Variants in BTD observed in about 807,000 individuals in gnomAD.
The protein encoded by BTD is biotinidase.
In BTD, 13 loss-of-function variants were observed where a neutral mutation model predicts 17.7. That is an observed-to-expected ratio of 0.74 (90% CI 0.48 to 1.17). The LOEUF is 1.17. BTD is among the 50% of genes most tolerant of loss of function. The pLI is 0.00. For synonymous variants in BTD, 240 were observed against 245.2 expected, an observed-to-expected ratio of 0.98 and a Z score of 0.20; for missense variants, 674 against 650.4, an observed-to-expected ratio of 1.04 and a Z score of -0.39.
downstream of BTD, chr3:15,713,710 G>T: frequency 1.0e-6 from 1 of 1,002,226 alleles, no homozygotes; most frequent in Non-Finnish European, 1.4e-6. Context: ...TACATGAAAA[G>T]TAATAAAAAA....
Position 15,650,219 on chromosome 3 carries a change from C to T in BTD, c.*4731C>T, listed in dbSNP as rs1018094803. Among the ~76,000 whole-genome samples the T allele has an allele frequency of 6.6e-6, 1 of 152,118 alleles. No homozygotes were observed. The highest frequency in any genetic ancestry group is 1.5e-5 in the Non-Finnish European group (1 of 68,024). ...ATGTTTAGAATGTTTCTCAGACAGG[C>T]TGAGAAAAAACACAACGAAACATTA... On this transcript the variant is annotated 3_prime_UTR_variant, in exon 4 of 4. Coordinates refer to ENST00000643237, the MANE Select transcript of BTD (RefSeq NM_001370658.1).
intron 3 of BTD, chr3:15,694,704 G>A: frequency 6.4e-7 from 1 of 1,563,316 alleles, no homozygotes; most frequent in Non-Finnish European, 8.8e-7. Context: ...CAGTAAACCA[G>A]CAGCCATCAA....
At position 15,642,022 on chromosome 3, in the gene BTD, C is replaced by A. The variant is rs397514357; in HGVS notation, c.364C>A (p.Pro122Thr). The A allele has an allele frequency of 1.2e-6, 2 of 1,614,162 alleles. No individual in the cohort carries two copies. Among genetic ancestry groups the A allele is most frequent in the African/African-American group, 1.3e-5 (1 of 75,044 alleles). Residue 122 changes from proline (P) to threonine (T), a missense_variant, in exon 3 of 4, where the codon CCA (proline) becomes ACA (threonine). Transcript: ENST00000643237. ...GTCTCCCCAGGTGGTCAGGTGGAAC[C>A]CATGCCTGGAGCCTCACCGCTTCAA... ...MPSPQVVRWN[P>T]CLEPHRFNDT... is the part of the protein sequence containing the mutation.
intron 3 of BTD, chr3:15,677,013 T>C (rs1275841703): frequency 6.2e-7 from 1 of 1,613,420 alleles, no homozygotes; most frequent in Non-Finnish European, 8.5e-7. Context: ...GAGGTTTCTA[T>C]CTGTTATCTT....
exon 4 of BTD, chr3:15,711,280 A>G: frequency 1.9e-6 from 3 of 1,603,956 alleles, no homozygotes; most frequent in Non-Finnish European, 2.6e-6. Context: ...AAATCCTACA[A>G]GAATGAATAC....
exon 4 of BTD, among the ~76,000 whole-genome samples, chr3:15,712,479 TGCATACAG>T (rs2072440231): frequency 6.6e-6 from 1 of 152,208 alleles, no homozygotes; most frequent in African/African-American, 2.4e-5. Flanking sequence ...AGCCATTCTG[TGCATACAG>T]GCTTACAGGC....
rs911743841 is a variant in BTD at position 15,650,305 on chromosome 3, A to G, written c.*4817A>G. ...GTACTGAAGTAAAACAAAAATCTGA[A>G]TAACAGCTGCACCGTTAAAAATGAA... On this transcript the variant is annotated 3_prime_UTR_variant, in exon 4 of 4. Coordinates refer to ENST00000643237, the MANE Select transcript of BTD (RefSeq NM_001370658.1). 2.1e-4 allele frequency among the ~76,000 whole-genome samples: 32 copies of G among 152,264 alleles called. No homozygotes were observed. Among genetic ancestry groups the G allele is most frequent in the Admixed American group, 6.5e-4 (10 of 15,284 alleles).
chr3:15,622,907 C>G (rs2064986088), intron 1 of BTD, among the ~76,000 whole-genome samples: 1 of 152,150 alleles, frequency 6.6e-6, no homozygotes, highest in Non-Finnish European at 1.5e-5. Flanking sequence ...TGTTTTCATG[C>G]TGTTAATAAA....
At chr3:15,703,656 GT>G (rs2070940823) in intron 3 of BTD, among the ~76,000 whole-genome samples, 1 of 152,178 alleles carries the variant, frequency 6.6e-6, no homozygotes, top group Non-Finnish European at 1.5e-5. Flanking sequence ...AAGCCACCCA[GT>G]TTTTGGTATT....
At position 15,679,548 on chromosome 3, in the gene BTD, A is replaced by G. The variant is rs1249098516; in HGVS notation, c.400-30512A>G. 4.3e-6 allele frequency: 7 copies of G among 1,612,318 alleles called. No individual in the cohort carries two copies. The East Asian group carries it at 8.9e-5, about 21-fold the overall frequency. On this transcript the variant is annotated intron_variant, in intron 3 of 3. Transcript: ENST00000672141. ...AACTTCCTGTTCTAAAAGCAGTTCT[A>G]CACATGTCTCGTGACCTAAATAGGT...
At position 15,721,363 on chromosome 3, in the gene BTD, G is replaced by T. The variant is rs73147532; in HGVS notation, c.1016-407G>T. Among the ~76,000 whole-genome samples the T allele has an allele frequency of 4.8e-3, 728 of 152,234 alleles. 5 individuals are homozygous for T. Among genetic ancestry groups the T allele is most frequent in the African/African-American group, 0.016 (664 of 41,534 alleles). Reference sequence around the variant, plus strand: ...AGGGAATATAATTCACATACACAATGTCTACTTCATGACAAAACTGAATAA... The same window carrying T: ...AGGGAATATAATTCACATACACAATTTCTACTTCATGACAAAACTGAATAA... On this transcript the variant is annotated intron_variant, in intron 4 of 4. Transcript: ENST00000672427.
intron 1 of BTD, chr3:15,602,178 A>T: frequency 7.1e-7 from 1 of 1,405,308 alleles, no homozygotes; most frequent in Non-Finnish European, 9.2e-7. Flanking sequence ...ATCCAGAAGC[A>T]GATGTGTACC....
intron 1 of BTD, among the ~76,000 whole-genome samples, chr3:15,604,180 A>G (rs1311068661): frequency 2.0e-5 from 3 of 152,182 alleles, no homozygotes; most frequent in Admixed American, 2.0e-4. Flanking sequence ...TGAGGGCTCT[A>G]CCCCTGCAAC....
chr3:15,618,261 C>T lies in BTD; in HGVS notation c.-17+16367C>T, dbSNP rs1461950318. Among the ~76,000 whole-genome samples, 6 of 152,342 alleles carry T rather than the reference C, an allele frequency of 3.9e-5. No individual in the cohort carries two copies. In the South Asian group the frequency reaches 6.2e-4, roughly 16 times the overall value. On this transcript the variant is annotated intron_variant, in intron 1 of 3. Transcript: ENST00000643237. ...AGCTTACAGGCATAAGCCACTGCTCCATATGCAGTTTAGAATCAGTTTGTT... is the reference window on the plus strand; with the variant it reads ...AGCTTACAGGCATAAGCCACTGCTCTATATGCAGTTTAGAATCAGTTTGTT...
At chr3:15,604,427 G>A (rs1035856058) in intron 1 of BTD, among the ~76,000 whole-genome samples, 3 of 152,236 alleles carry the variant, frequency 2.0e-5, no homozygotes, top group African/African-American at 7.2e-5. Flanking sequence ...AACAGCAGGG[G>A]GACCCTGGAC....
Position 15,601,925 on chromosome 3 carries a change from G to C in BTD, c.-17+31G>C, listed in dbSNP as rs113774440. 3.7e-6 allele frequency: 6 copies of C among 1,612,582 alleles called. No individual in the cohort carries two copies. In the African/African-American group the frequency reaches 5.3e-5, roughly 14 times the overall value. ...GAGGGGGCGTGGTGCGGCGCGGAGG[G>C]GGTGTGGTAAGGGCGTGCGGTCCAG... On this transcript the variant is annotated intron_variant, in intron 1 of 3. Transcript: ENST00000643237.
At chr3:15,670,202 A>G (rs2066206719) in intron 3 of BTD, 1 of 1,523,952 alleles carries the variant, frequency 6.6e-7, no homozygotes, top group Non-Finnish European at 8.9e-7. Context: ...CGTGAATATC[A>G]AAGTGCCTTT....
At chr3:15,713,702 C>T (rs2072625211), downstream of BTD, 1 of 1,065,948 alleles carries the variant, frequency 9.4e-7, no homozygotes, top group African/African-American at 1.6e-5. Context: ...AAACGTACTA[C>T]ATGAAAAGTA....
At chr3:15,617,709 C>T (rs1203476955) in intron 1 of BTD, among the ~76,000 whole-genome samples, 2 of 152,128 alleles carry the variant, frequency 1.3e-5, no homozygotes, top group African/African-American at 4.8e-5. Context: ...GGCAACATAG[C>T]GAGACCTCAT....
Sources: gnomAD v4.1 joint callset for allele counts (sites outside exome capture counted in the v4.1 genomes callset) on GRCh38, gnomAD v4.1.1 for gene constraint, MANE v1.5 for transcripts, NCBI Gene and HGNC (gene_info 2026-07-23, HGNC 2026-07-21) for gene names.